UTRN: variants seen among roughly 807,000 people sequenced by gnomAD.
UTRN encodes the protein dystrophin-related protein 1.
In UTRN, 283 loss-of-function variants were observed where a neutral mutation model predicts 463.9. That is an observed-to-expected ratio of 0.61 (90% CI 0.55 to 0.67). The LOEUF is 0.67. Ranked by LOEUF, UTRN falls within the 30% of genes least tolerant of loss-of-function variation. UTRN has a pLI of 0.00. For synonymous variants in UTRN, 1,442 were observed against 1,431.5 expected, an observed-to-expected ratio of 1.01 and a Z score of -0.17; for missense variants, 3,922 against 4,084.3, an observed-to-expected ratio of 0.96 and a Z score of 1.08.
intron 65 of UTRN, among the ~76,000 whole-genome samples, chr6:144,813,945 G>A (rs1778853912): frequency 6.6e-6 from 1 of 152,136 alleles, no homozygotes; most frequent in South Asian, 2.1e-4. Flanking sequence ...AAAACTTCTG[G>A]GAATAGAATC....
Position 144,650,826 on chromosome 6 carries a change from T to C in UTRN, c.7480-27580T>C, listed in dbSNP as rs928885707. 2.5e-4 allele frequency among the ~76,000 whole-genome samples: 38 copies of C among 152,062 alleles called. 1 individual carries two copies. On this transcript the variant is annotated intron_variant, in intron 51 of 74. Coordinates refer to ENST00000367545, the MANE Select transcript of UTRN (RefSeq NM_007124.3). The stretch of plus-strand genomic sequence containing the variant: ...CAGGAGGCTGAGACAGGAGAATCGC[T>C]TGAACCCAGGAGACGGAGGTTGCAG...
At chr6:144,776,911 G>A (rs1480407374) in intron 60 of UTRN, among the ~76,000 whole-genome samples, 1 of 152,184 alleles carries the variant, frequency 6.6e-6, no homozygotes, top group African/African-American at 2.4e-5. Flanking sequence ...AGGTCTCAAT[G>A]TTGTCGATCA....
intron 65 of UTRN, among the ~76,000 whole-genome samples, chr6:144,806,418 C>T (rs1337552320): frequency 6.6e-6 from 1 of 152,190 alleles, no homozygotes; most frequent in Admixed American, 6.5e-5. Context: ...ATCTTATCAA[C>T]AGCCTACTTA....
chr6:144,329,845 G>T (rs1361126939), intron 2 of UTRN, among the ~76,000 whole-genome samples: 1 of 152,182 alleles, frequency 6.6e-6, no homozygotes, highest in Non-Finnish European at 1.5e-5. Context: ...TGTTTCAAAA[G>T]AGACAACAAT....
In UTRN at chr6:144,626,645, CT is replaced by C. The variant is rs528068519; in HGVS notation, c.7479+49363del. 1.1e-3 allele frequency among the ~76,000 whole-genome samples: 162 copies of C among 152,258 alleles called. 1 individual carries two copies. The highest frequency in any genetic ancestry group is 3.8e-3 in the African/African-American group (158 of 41,550). Reference sequence around the variant, plus strand: ...GTAGCAAGTTTGTGTTGTGGCTTTTCTTTTTTCTTTTGAGACGGAGTCTCGC... The same window carrying C: ...GTAGCAAGTTTGTGTTGTGGCTTTTCTTTTTCTTTTGAGACGGAGTCTCGC... On this transcript the variant is annotated intron_variant, in intron 51 of 74. Coordinates refer to ENST00000367545, the MANE Select transcript of UTRN (RefSeq NM_007124.3).
At chr6:144,528,618 G>A (rs1340772554) in intron 41 of UTRN, among the ~76,000 whole-genome samples, 1 of 152,352 alleles carries the variant, frequency 6.6e-6, no homozygotes, top group African/African-American at 2.4e-5. Flanking sequence ...GTACTGGGAA[G>A]TGTCTGCAAA....
chr6:144,698,528 C>T (rs780323190), intron 52 of UTRN, among the ~76,000 whole-genome samples: 7 of 152,210 alleles, frequency 4.6e-5, no homozygotes, highest in Non-Finnish European at 8.8e-5. Flanking sequence ...TGGGCAGTCA[C>T]AGTAATTCCA....
At chr6:144,551,356 TCTTAA>T (rs1345013710) in intron 48 of UTRN, among the ~76,000 whole-genome samples, 4 of 152,174 alleles carry the variant, frequency 2.6e-5, no homozygotes, top group Non-Finnish European at 4.4e-5. Context: ...GGTTTTCTTC[TCTTAA>T]CTTAGGCTTT....
Position 144,519,933 on chromosome 6 carries a change from C to T in UTRN, c.5542-2047C>T, listed in dbSNP as rs182391921. 2.1e-3 allele frequency among the ~76,000 whole-genome samples: 324 copies of T among 152,250 alleles called. 3 individuals are homozygous for T. The highest frequency in any genetic ancestry group is 0.01 in the East Asian group (53 of 5,188). On this transcript the variant is annotated intron_variant, in intron 39 of 74. Transcript: ENST00000367545. ...AGTAGTAGCTGAGGTATAAAAGTGG[C>T]TCCCAACATTTACCTAATGGAGCAG...
chr6:144,571,569 A>G (rs1800939819), intron 50 of UTRN, among the ~76,000 whole-genome samples: 1 of 152,146 alleles, frequency 6.6e-6, no homozygotes, highest in South Asian at 2.1e-4. Flanking sequence ...TGGTAAATAC[A>G]TAGGAAGTTG....
chr6:144,825,698 T>A (rs1354338605), intron 66 of UTRN, among the ~76,000 whole-genome samples: 2 of 152,108 alleles, frequency 1.3e-5, no homozygotes, highest in East Asian at 3.9e-4. Flanking sequence ...GTTCGTGGCA[T>A]ATGTTTTGCT....
chr6:144,561,208 TATATATATATATATATA>T (rs1562575545), intron 50 of UTRN, among the ~76,000 whole-genome samples: 188 of 3,344 alleles, frequency 0.056, 1 homozygote, highest in African/African-American at 0.097. Context: ...AATAACATTA[TATATATATATATATATA>T]TATATATATA....
intron 2 of UTRN, among the ~76,000 whole-genome samples, chr6:144,349,780 A>G (rs1007018655): frequency 3.3e-5 from 5 of 152,142 alleles, no homozygotes; most frequent in Non-Finnish European, 7.4e-5. Context: ...ACCCCTACTT[A>G]GAGGGCACCA....
chr6:144,364,823 C>T (rs1360338349), intron 2 of UTRN, among the ~76,000 whole-genome samples: 2 of 152,184 alleles, frequency 1.3e-5, no homozygotes, highest in African/African-American at 4.8e-5. Flanking sequence ...TGTTTCTTGG[C>T]TCATGGCTCT....
At chr6:144,361,860 T>C (rs34598721) in intron 2 of UTRN, among the ~76,000 whole-genome samples, 1,522 of 151,314 alleles carry the variant, frequency 0.01, 19 homozygotes, top group Middle Eastern at 0.031. Context: ...CCTACTTTGG[T>C]CTCCTAAAAG....
intron 16 of UTRN, among the ~76,000 whole-genome samples, chr6:144,447,991 TA>T: frequency 6.6e-6 from 1 of 152,336 alleles, no homozygotes; most frequent in South Asian, 2.1e-4. Context: ...AGTAACTGAT[TA>T]TACTTAGCCA....
intron 61 of UTRN, among the ~76,000 whole-genome samples, chr6:144,784,740 A>C (rs1415589304): frequency 6.6e-6 from 1 of 152,256 alleles, no homozygotes; most frequent in Non-Finnish European, 1.5e-5. Context: ...ATGTTGGCAC[A>C]GTTCCACTTG....
intron 26 of UTRN, 81 bp from the exon 27 acceptor site, chr6:144,482,127 CT>C: frequency 7.7e-7 from 1 of 1,290,636 alleles, no homozygotes; most frequent in Non-Finnish European, 1.0e-6. Flanking sequence ...TGGTTTAATT[CT>C]TGAAAAAAAA....
intron 2 of UTRN, among the ~76,000 whole-genome samples, chr6:144,329,612 G>A (rs1776202644): frequency 6.6e-6 from 1 of 152,112 alleles, no homozygotes; most frequent in Non-Finnish European, 1.5e-5. Context: ...TATGATTTTT[G>A]CTGGTGACAC....
Sources: allele counts gnomAD v4.1 joint callset (sites outside exome capture counted in the v4.1 genomes callset), GRCh38; gene constraint gnomAD v4.1.1; transcripts MANE v1.5; gene names NCBI Gene and HGNC (gene_info 2026-07-23, HGNC 2026-07-21).